The following PTPRM variants were observed in gnomAD, a reference collection of about 807,000 sequenced individuals.
The protein encoded by PTPRM is protein tyrosine phosphatase receptor type M.
Under a neutral mutation model 186.7 loss-of-function variants are expected in PTPRM, and 47 were observed. The observed-to-expected ratio is 0.25, with a 90% CI of 0.20 to 0.32. The LOEUF (loss-of-function observed/expected upper bound fraction) is 0.32, where lower values mean the gene tolerates loss of function less well. PTPRM is among the 10% of genes least tolerant of loss of function. The pLI is 1.00. For synonymous variants in PTPRM, 668 were observed against 674.9 expected, an observed-to-expected ratio of 0.99 and a Z score of 0.16; for missense variants, 1,494 against 1,865.0, an observed-to-expected ratio of 0.80 and a Z score of 3.66.
At chr18:8,176,769 A>T (rs1371736831) in intron 14 of PTPRM, among the ~76,000 whole-genome samples, 1 of 152,226 alleles carries the variant, frequency 6.6e-6, no homozygotes, top group Non-Finnish European at 1.5e-5. Context: ...AGGGAAAAAG[A>T]TCAAGGTCAG....
chr18:7,624,169 A>G (rs896988267), intron 1 of PTPRM, among the ~76,000 whole-genome samples: 3 of 152,150 alleles, frequency 2.0e-5, no homozygotes, highest in Non-Finnish European at 4.4e-5. Flanking sequence ...ACAACTAACT[A>G]TTTATAGCGG....
chr18:7,732,037 ATAAAAAC>A (rs2144406550), intron 1 of PTPRM, among the ~76,000 whole-genome samples: 1 of 152,370 alleles, frequency 6.6e-6, no homozygotes, highest in African/African-American at 2.4e-5. Context: ...AATTATTGGT[ATAAAAAC>A]TTAGGTCTTT....
At chr18:7,653,537 A>G (rs553111102) in intron 1 of PTPRM, among the ~76,000 whole-genome samples, 1 of 152,064 alleles carries the variant, frequency 6.6e-6, no homozygotes, top group South Asian at 2.1e-4. Flanking sequence ...AGTTCCCATC[A>G]TTTAGCTCCC....
chr18:8,097,040 A>G (rs2091047818), intron 11 of PTPRM, among the ~76,000 whole-genome samples: 2 of 152,160 alleles, frequency 1.3e-5, no homozygotes, highest in South Asian at 2.1e-4. Context: ...GGGCACAGAT[A>G]CAGAAGGAAT....
intron 19 of PTPRM, among the ~76,000 whole-genome samples, chr18:8,256,849 A>AG (rs2094579357): frequency 6.6e-6 from 1 of 152,246 alleles, no homozygotes; most frequent in African/African-American, 2.4e-5. Context: ...TCTAAGTTGG[A>AG]GAGTCCTAAG....
intron 1 of PTPRM, among the ~76,000 whole-genome samples, chr18:7,656,457 A>G (rs1221092123): frequency 6.6e-6 from 1 of 152,108 alleles, no homozygotes; most frequent in Non-Finnish European, 1.5e-5. Context: ...GAGTTATGTA[A>G]TGGGGATGGT....
intron 9 of PTPRM, among the ~76,000 whole-genome samples, chr18:8,081,276 A>T (rs1657848963): frequency 6.6e-6 from 1 of 152,232 alleles, no homozygotes; most frequent in African/African-American, 2.4e-5. Flanking sequence ...CAATAGAAGC[A>T]ACAGTTTACT....
chr18:8,363,459 T>C (rs1030415518), intron 23 of PTPRM, among the ~76,000 whole-genome samples: 1 of 152,198 alleles, frequency 6.6e-6, no homozygotes, highest in Admixed American at 6.5e-5. Flanking sequence ...AGATATATCA[T>C]GTACCACTCT....
At chr18:7,698,956 C>T (rs962062909) in intron 1 of PTPRM, among the ~76,000 whole-genome samples, 7 of 152,134 alleles carry the variant, frequency 4.6e-5, no homozygotes, top group Admixed American at 1.3e-4. Flanking sequence ...GGGTCCCCAA[C>T]CCCTGGGCTG....
chr18:8,212,493 A>G (rs1291466220), intron 14 of PTPRM, among the ~76,000 whole-genome samples: 1 of 152,212 alleles, frequency 6.6e-6, no homozygotes, highest in Non-Finnish European at 1.5e-5. Flanking sequence ...ACATATTTAC[A>G]TATGTAAGAA....
chr18:7,701,556 C>A (rs947684345), intron 1 of PTPRM, among the ~76,000 whole-genome samples: 2 of 151,900 alleles, frequency 1.3e-5, no homozygotes, highest in Non-Finnish European at 2.9e-5. Context: ...GCTGAGATTG[C>A]GCCACTGCAC....
intron 2 of PTPRM, among the ~76,000 whole-genome samples, chr18:7,800,793 G>A (rs1236855883): frequency 1.3e-5 from 2 of 152,170 alleles, no homozygotes; most frequent in African/African-American, 2.4e-5. Context: ...CATGTTGGCT[G>A]TATGGTATAC....
At chr18:7,690,361 C>G (rs1160013076) in intron 1 of PTPRM, among the ~76,000 whole-genome samples, 1 of 152,206 alleles carries the variant, frequency 6.6e-6, no homozygotes. Flanking sequence ...GAGGTCAGCT[C>G]TCAAGGTACA....
At chr18:7,951,080 A>G (rs1221252245) in intron 6 of PTPRM, among the ~76,000 whole-genome samples, 2 of 152,222 alleles carry the variant, frequency 1.3e-5, no homozygotes, top group Admixed American at 6.5e-5. Flanking sequence ...TTGTCACAGC[A>G]GATTCTTAAC....
At chr18:8,228,773 A>T (rs538547728) in intron 14 of PTPRM, among the ~76,000 whole-genome samples, 4 of 152,106 alleles carry the variant, frequency 2.6e-5, no homozygotes, top group African/African-American at 9.6e-5. Flanking sequence ...GAATCGCTTG[A>T]ACCTGGGAGG....
chr18:7,794,302 A>C (rs2043491832), intron 2 of PTPRM, among the ~76,000 whole-genome samples: 2 of 152,222 alleles, frequency 1.3e-5, no homozygotes, highest in Admixed American at 1.3e-4. Flanking sequence ...CTGGGGCTTC[A>C]GCTGTAAACA....
chr18:7,645,481 T>C (rs559627435), intron 1 of PTPRM, among the ~76,000 whole-genome samples: 6 of 152,284 alleles, frequency 3.9e-5, no homozygotes, highest in Admixed American at 2.0e-4. Context: ...AATAAAGACA[T>C]TTTGAGAAGG....
intron 7 of PTPRM, among the ~76,000 whole-genome samples, chr18:8,063,914 C>T (rs1035568787): frequency 3.3e-5 from 5 of 152,278 alleles, no homozygotes; most frequent in Admixed American, 1.3e-4. Flanking sequence ...TACTGCATTA[C>T]CTAACATTCA....
chr18:8,316,365 A>G (rs1463769699), intron 21 of PTPRM, among the ~76,000 whole-genome samples: 2 of 152,222 alleles, frequency 1.3e-5, no homozygotes, highest in South Asian at 2.1e-4. Flanking sequence ...TAGGCATCAT[A>G]GAGGATGTAA....
Sources: gnomAD v4.1 joint callset for allele counts (sites outside exome capture counted in the v4.1 genomes callset) on GRCh38, gnomAD v4.1.1 for gene constraint, MANE v1.5 for transcripts, NCBI Gene and HGNC (gene_info 2026-07-23, HGNC 2026-07-21) for gene names.